ITGAV: variants seen among roughly 807,000 people sequenced by gnomAD.
ITGAV encodes integrin alpha-V.
Under a neutral mutation model 143.8 loss-of-function variants are expected in ITGAV, and 76 were observed. The ratio of observed to expected loss-of-function variants is 0.53; its 90% CI spans 0.44 to 0.64. The LOEUF is 0.64. Ranked by LOEUF, ITGAV falls within the 30% of genes least tolerant of loss-of-function variation. The pLI, the probability that ITGAV is intolerant of heterozygous loss-of-function variation, is 0.00. For synonymous variants in ITGAV, 453 were observed against 446.7 expected, an observed-to-expected ratio of 1.01 and a Z score of -0.18; for missense variants, 1,193 against 1,274.7, an observed-to-expected ratio of 0.94 and a Z score of 0.98.
chr2:186,675,687 G>C lies in ITGAV; in HGVS notation c.2790G>C (p.Lys930Asn), dbSNP rs370683564. The C allele has an allele frequency of 7.4e-6, 12 of 1,613,490 alleles. No homozygotes were observed. Among genetic ancestry groups the C allele is most frequent in the South Asian group, 1.1e-5 (1 of 91,078 alleles). Residue 930 changes from lysine to asparagine, a missense_variant, in exon 27 of 30, where the codon AAG becomes AAC. Physicochemically the swap from Lys to Asn is moderately conservative, Grantham distance 94. Coordinates refer to ENST00000261023, the MANE Select transcript of ITGAV (RefSeq NM_002210.5). ...DRGKSAILYVKSLLWTETFMN... is the reference protein window; with the variant it reads ...DRGKSAILYVNSLLWTETFMN... ...GAAAGAGTGCAATCTTGTACGTAAAGTCATTACTGTGGACTGAGACTTTTA... is the reference window on the plus strand; with the variant it reads ...GAAAGAGTGCAATCTTGTACGTAAACTCATTACTGTGGACTGAGACTTTTA...
intron 2 of ITGAV, among the ~76,000 whole-genome samples, chr2:186,615,692 A>G (rs1042174640): frequency 1.4e-5 from 2 of 148,126 alleles, no homozygotes; most frequent in African/African-American, 2.5e-5. Context: ...TTTTTTTTTC[A>G]TATTATTTAG....
chr2:186,606,208 A>G (rs1203248823), intron 2 of ITGAV, among the ~76,000 whole-genome samples: 1 of 152,174 alleles, frequency 6.6e-6, no homozygotes, highest in Non-Finnish European at 1.5e-5. Context: ...GCCCAAACAT[A>G]TAAGCATCCC....
intron 5 of ITGAV, among the ~76,000 whole-genome samples, chr2:186,632,428 G>T (rs1446055677): frequency 6.6e-6 from 1 of 151,820 alleles, no homozygotes; most frequent in African/African-American, 2.4e-5. Context: ...GTTCTTTTAC[G>T]TAGCCAAGGC....
At chr2:186,648,948 TTGTG>T (rs1451848521) in intron 13 of ITGAV, among the ~76,000 whole-genome samples, 5 of 148,340 alleles carry the variant, frequency 3.4e-5, no homozygotes, top group Admixed American at 6.8e-5. Context: ...ATATATACAT[TTGTG>T]TGTATATATA....
chr2:186,591,039 T>C (rs543810201), intron 1 of ITGAV, among the ~76,000 whole-genome samples: 2 of 152,346 alleles, frequency 1.3e-5, no homozygotes, highest in Non-Finnish European at 2.9e-5. Flanking sequence ...TTGCAGACAT[T>C]CTGATGACTT....
chr2:186,662,323 T>C (rs1688770985), intron 18 of ITGAV, among the ~76,000 whole-genome samples: 2 of 152,198 alleles, frequency 1.3e-5, no homozygotes, highest in African/African-American at 4.8e-5. Context: ...CAACTGCTTA[T>C]ATCTAGGTAA....
At chr2:186,633,017 A>G (rs996016235) in intron 5 of ITGAV, among the ~76,000 whole-genome samples, 1 of 151,854 alleles carries the variant, frequency 6.6e-6, no homozygotes, top group Non-Finnish European at 1.5e-5. Flanking sequence ...AGACAGATAG[A>G]TACATAGACA....
chr2:186,590,295 G>C lies in ITGAV; in HGVS notation c.-44G>C, dbSNP rs538122255. 29 of 1,464,188 alleles carry C rather than the reference G, an allele frequency of 2.0e-5. No homozygotes were observed. In the South Asian group the frequency reaches 3.8e-4, roughly 19 times the overall value. The allele number at this position is 1,464,188 out of a possible 1,614,324, so 90.7% of individuals were successfully genotyped here. ...TGGGCGCCTCGCTGGGGCGGGGGGA[G>C]GTGGCTACCGCTCCCGGCTTGGCGT... is the stretch of plus-strand genomic sequence containing the variant. On this transcript the variant is annotated 5_prime_UTR_variant, in exon 1 of 30. Transcript: ENST00000261023.
At chr2:186,643,059 T>C (rs1172011801) in intron 12 of ITGAV, among the ~76,000 whole-genome samples, 3 of 152,222 alleles carry the variant, frequency 2.0e-5, no homozygotes, top group Non-Finnish European at 4.4e-5. Context: ...GGTTCCATCA[T>C]GAATAAAGTT....
chr2:186,594,095 C>T (rs1363410233), intron 1 of ITGAV, among the ~76,000 whole-genome samples: 1 of 152,214 alleles, frequency 6.6e-6, no homozygotes, highest in Non-Finnish European at 1.5e-5. Context: ...GTCCTAACTT[C>T]ATGTTTGCAA....
chr2:186,619,063 G>GTATA (rs144761943), intron 2 of ITGAV, among the ~76,000 whole-genome samples: 12 of 148,410 alleles, frequency 8.1e-5, no homozygotes, highest in African/African-American at 2.7e-4. Context: ...GTATGTATGT[G>GTATA]TATATATATA....
At position 186,590,473 on chromosome 2, in the gene ITGAV, G is replaced by A. The variant is rs1474857391; in HGVS notation, c.135G>A (p.Glu45=). The A allele has an allele frequency of 6.2e-7, 1 of 1,611,912 alleles. No homozygotes were observed. The highest frequency in any genetic ancestry group is 8.5e-7 in the Non-Finnish European group (1 of 1,179,204). The change falls in exon 1 of 30, where the codon GAG becomes GAA. Residue 45 remains glutamate (E), a synonymous_variant. Coordinates refer to ENST00000261023, the MANE Select transcript of ITGAV (RefSeq NM_002210.5). The part of the protein sequence containing the change: ...VDSPAEYSGP[E]GSYFGFAVDF... ...GTCCTGCCGAGTACTCTGGCCCCGA[G>A]GGAAGTTACTTCGGCTTCGCCGTGG...
rs1689268037 is a variant in ITGAV at position 186,678,277 on chromosome 2, T to A, written c.*985T>A. ...GTATTAATTTATTTTCCTCCATTCA[T>A]GTACTTTTCCTTATATTTCCAAAAC... On this transcript the variant is annotated 3_prime_UTR_variant, in exon 30 of 30. Coordinates refer to ENST00000261023, the MANE Select transcript of ITGAV (RefSeq NM_002210.5). 6.5e-6 allele frequency: 1 copy of A among 153,788 alleles called. No homozygotes were observed. The highest frequency in any genetic ancestry group is 2.0e-4 in the South Asian group (1 of 4,964). The allele number at this position is 153,788 out of a possible 1,614,324, so 9.5% of individuals were successfully genotyped here. A position where few individuals can be genotyped will look rare whatever the true frequency, so the allele number is the denominator to read the frequency against.
At chr2:186,642,137 T>C (rs138761500) in intron 12 of ITGAV, among the ~76,000 whole-genome samples, 17 of 152,338 alleles carry the variant, frequency 1.1e-4, no homozygotes, top group African/African-American at 4.1e-4. Context: ...AATAGTACCA[T>C]TTTAATAGTT....
At chr2:186,651,768 A>T (rs1271003082) in intron 14 of ITGAV, among the ~76,000 whole-genome samples, 2 of 152,216 alleles carry the variant, frequency 1.3e-5, no homozygotes, top group African/African-American at 2.4e-5. Flanking sequence ...ATTTCCCAGG[A>T]TGCAGGAGTT....
intron 1 of ITGAV, among the ~76,000 whole-genome samples, chr2:186,593,785 T>TA (rs1686675950): frequency 1.3e-5 from 1 of 75,064 alleles, no homozygotes; most frequent in African/African-American, 3.7e-5. Flanking sequence ...AGTAGGTTGG[T>TA]GTGAGTAGAG....
In ITGAV at chr2:186,590,276, C is replaced by T. The variant is rs894832579; in HGVS notation, c.-63C>T. On this transcript the variant is annotated 5_prime_UTR_variant, in exon 1 of 30. Coordinates refer to ENST00000261023, the MANE Select transcript of ITGAV (RefSeq NM_002210.5). ...GGCGGCGGGCCGCGGGCACTGGGCG[C>T]CTCGCTGGGGCGGGGGGAGGTGGCT... 3.4e-5 allele frequency: 46 copies of T among 1,340,682 alleles called. No individual in the cohort carries two copies. In the African/African-American group the frequency reaches 6.3e-4, roughly 18 times the overall value. The allele number at this position is 1,340,682 out of a possible 1,614,324, so 83.0% of individuals were successfully genotyped here.
At chr2:186,618,554 G>A (rs1224463611) in intron 2 of ITGAV, among the ~76,000 whole-genome samples, 1 of 152,224 alleles carries the variant, frequency 6.6e-6, no homozygotes, top group African/African-American at 2.4e-5. Context: ...GCAAGCCTAT[G>A]CTGCTTGACA....
chr2:186,668,199 TATATATATATATATA>T (rs1328876571), intron 24 of ITGAV, among the ~76,000 whole-genome samples: 6 of 17,892 alleles, frequency 3.4e-4, no homozygotes, highest in Non-Finnish European at 6.9e-4. Flanking sequence ...TATATATATA[TATATATATATATATA>T]TATTTTTTTT....
Sources: allele counts gnomAD v4.1 joint callset (sites outside exome capture counted in the v4.1 genomes callset), GRCh38; gene constraint gnomAD v4.1.1; transcripts MANE v1.5; gene names NCBI Gene and HGNC (gene_info 2026-07-23, HGNC 2026-07-21).